Variants in IL12RB2 observed in about 807,000 individuals in gnomAD.
IL12RB2 encodes the protein interleukin-12 receptor subunit beta-2.
In IL12RB2, 82 loss-of-function variants were observed where a neutral mutation model predicts 89.4. That is an observed-to-expected ratio of 0.92 (90% CI 0.77 to 1.10). The LOEUF is 1.10. Ranked by LOEUF, IL12RB2 falls within the 50% of genes least tolerant of loss-of-function variation. The pLI is 0.00. For synonymous variants in IL12RB2, 368 were observed against 370.1 expected (o/e 0.99, Z 0.07); for missense variants, 963 against 1,031.9 (o/e 0.93, Z 0.92).
Position 67,320,333 on chromosome 1 carries a change from G to T in IL12RB2, c.-36G>T, listed in dbSNP as rs760120951. ...GAATGAATTTGTCTTCTTTTGCAAG[G>T]AAGAATACGGAGTTCTATACCAGAG... is the stretch of plus-strand genomic sequence containing the variant. On this transcript the variant is annotated splice_region_variant and 5_prime_UTR_variant, in exon 3 of 17. Transcript: ENST00000674203. 1.2e-6 allele frequency: 2 copies of T among 1,613,706 alleles called. No homozygotes were observed. The highest frequency in any genetic ancestry group is 2.2e-5 in the East Asian group (1 of 44,794).
rs146680474 is a variant in IL12RB2 at position 67,314,665 on chromosome 1, G to A, written c.-37+665G>A. On this transcript the variant is annotated intron_variant, in intron 2 of 16. Coordinates refer to ENST00000674203, the MANE Select transcript of IL12RB2 (RefSeq NM_001374259.2). ...CTGCCAACATGAGATTATCACCTGC[G>A]AAAGGAAACTTAAGAGTTTCTTTTT... is the stretch of plus-strand genomic sequence containing the variant. 3.6e-3 allele frequency among the ~76,000 whole-genome samples: 548 copies of A among 152,250 alleles called. 3 individuals carry two copies. Among genetic ancestry groups the A allele is most frequent in the Admixed American group, 7.3e-3 (111 of 15,294 alleles).
rs1382662040 is a variant in IL12RB2 at position 67,386,589 on chromosome 1, T to C, written c.1866T>C (p.Asn622=). 1.2e-6 allele frequency: 2 copies of C among 1,612,404 alleles called. No homozygotes were observed. Among genetic ancestry groups the C allele is most frequent in the Middle Eastern group, 1.7e-4 (1 of 6,058 alleles). Residue 622 remains asparagine (N), a synonymous_variant, in exon 15 of 17, where the codon AAT becomes AAC. Coordinates refer to ENST00000674203, the MANE Select transcript of IL12RB2 (RefSeq NM_001374259.2). ...TTCCTAACTTTTCAGGTAAAGCCAA[T>C]TGGATGGCGTTTGTGGCACCAAGCA... ...EREFCLQGKA[N]WMAFVAPSIC... is the part of the protein sequence containing the mutation.
At chr1:67,331,405 C>A (rs1658053306) in intron 8 of IL12RB2, among the ~76,000 whole-genome samples, 1 of 152,050 alleles carries the variant, frequency 6.6e-6, no homozygotes, top group South Asian at 2.1e-4. Flanking sequence ...ATGAATTTTT[C>A]TTTTTTAGTA....
At chr1:67,348,730 C>A (rs1660503994) in intron 9 of IL12RB2, among the ~76,000 whole-genome samples, 1 of 151,714 alleles carries the variant, frequency 6.6e-6, no homozygotes, top group African/African-American at 2.4e-5. Flanking sequence ...GACTAAGTGG[C>A]TAAATATCTG....
In IL12RB2 at chr1:67,316,768, G is replaced by A. The variant is rs552591695; in HGVS notation, c.-37+2768G>A. On this transcript the variant is annotated intron_variant, in intron 2 of 16. Coordinates refer to ENST00000674203, the MANE Select transcript of IL12RB2 (RefSeq NM_001374259.2). ...AAAAGTGTTCCCACAACTTCAGTTG[G>A]CCAGCACCAATTTTAGCCCAAGCTT... 2.6e-5 allele frequency among the ~76,000 whole-genome samples: 4 copies of A among 152,250 alleles called. No homozygotes were observed. The East Asian group carries it at 7.7e-4, about 29-fold the overall frequency.
rs1471258324 is a variant in IL12RB2, at chr1:67,396,041, G to A, written c.2541G>A (p.Lys847=). Reference sequence around the variant, plus strand: ...CACTCACCTTCTCCTGTGGTGATAAGCTGACTCTGGATCAGTTAAAGATGA... The same window carrying A: ...CACTCACCTTCTCCTGTGGTGATAAACTGACTCTGGATCAGTTAAAGATGA... ...LHPLTFSCGD[K]LTLDQLKMRC... is the part of the protein sequence containing the mutation. Residue 847 remains lysine (K), a synonymous_variant, in exon 17 of 17, where the codon AAG becomes AAA. Transcript: ENST00000674203. The A allele has an allele frequency of 1.9e-6, 3 of 1,609,106 alleles. No homozygotes were observed. Among genetic ancestry groups the A allele is most frequent in the Admixed American group, 1.7e-5 (1 of 60,028 alleles).
chr1:67,390,157 A>T, intron 16 of IL12RB2, 29 bp downstream of exon 16: 1 of 904,896 alleles, frequency 1.1e-6, no homozygotes, highest in Non-Finnish European at 1.9e-6. Context: ...GTGGTCAGTC[A>T]GTGGAGTTCT....
chr1:67,328,211 CA>C lies in IL12RB2; in HGVS notation c.497del (p.Asn166IlefsTer2). The stretch of plus-strand genomic sequence containing the variant: ...TGTTTTGTTTACAGGCTAAGTGGAC[CA>C]AAAAATTTAACCTGGCAGAAGCAAT... ...YTEYTLQLSG[P>X]KNLTWQKQCK... On this transcript the variant is annotated frameshift_variant, in exon 6 of 17. Coordinates refer to ENST00000674203, the MANE Select transcript of IL12RB2 (RefSeq NM_001374259.2). LOFTEE classifies it high-confidence loss of function. 6.2e-7 allele frequency: 1 copy of C among 1,613,570 alleles called. No individual in the cohort carries two copies. Among genetic ancestry groups the C allele is most frequent in the Non-Finnish European group, 8.5e-7 (1 of 1,179,580 alleles).
intron 13 of IL12RB2, among the ~76,000 whole-genome samples, chr1:67,378,801 G>T (rs1664242155): frequency 7.4e-6 from 1 of 135,874 alleles, no homozygotes; most frequent in Admixed American, 8.2e-5. Context: ...AGTGAGCCAA[G>T]ATCGTATTAC....
At chr1:67,319,976 A>T (rs1368948555) in intron 2 of IL12RB2, among the ~76,000 whole-genome samples, 1 of 152,180 alleles carries the variant, frequency 6.6e-6, no homozygotes, top group Non-Finnish European at 1.5e-5. Flanking sequence ...CCAGACCCTG[A>T]ATCTGCTGAC....
At chr1:67,374,771 C>T (rs1488748619) in intron 13 of IL12RB2, among the ~76,000 whole-genome samples, 2 of 144,190 alleles carry the variant, frequency 1.4e-5, no homozygotes, top group African/African-American at 5.1e-5. Flanking sequence ...CCACCCAGCC[C>T]AGCCTCTTTT....
chr1:67,379,027 G>A (rs17129917), intron 13 of IL12RB2, among the ~76,000 whole-genome samples: 11,353 of 147,332 alleles, frequency 0.077, 844 homozygotes, highest in East Asian at 0.22. Context: ...GTGAAACCCC[G>A]TTCTACTAAA....
At chr1:67,383,014 C>G (rs1664768171) in intron 14 of IL12RB2, among the ~76,000 whole-genome samples, 1 of 152,150 alleles carries the variant, frequency 6.6e-6, no homozygotes, top group Admixed American at 6.5e-5. Context: ...GTGAATTAGT[C>G]TGTTCTCACG....
intron 10 of IL12RB2, among the ~76,000 whole-genome samples, chr1:67,363,297 A>G (rs1315043922): frequency 7.3e-6 from 1 of 137,860 alleles, no homozygotes; most frequent in African/African-American, 2.7e-5. Flanking sequence ...GCTCACCACA[A>G]CCTCCGCCTC....
intron 4 of IL12RB2, among the ~76,000 whole-genome samples, chr1:67,326,270 G>C (rs1239041679): frequency 6.6e-6 from 1 of 152,106 alleles, no homozygotes; most frequent in African/African-American, 2.4e-5. Context: ...TTATTACCAG[G>C]GGTAATGGAG....
intron 10 of IL12RB2, among the ~76,000 whole-genome samples, chr1:67,355,436 A>G (rs1204751441): frequency 1.3e-5 from 2 of 151,794 alleles, no homozygotes; most frequent in Non-Finnish European, 1.5e-5. Flanking sequence ...AAAAAAAAAA[A>G]AAAAAAGGAA....
In IL12RB2 at chr1:67,396,458, A is replaced by G. The variant is rs531626113; in HGVS notation, c.*369A>G. ...CTAGAGGACCATTCATGCAATGACT[A>G]TTTCTAAAGCACCTGCTACACAGCA... On this transcript the variant is annotated 3_prime_UTR_variant, in exon 17 of 17. Transcript: ENST00000674203. The G allele has an allele frequency of 3.8e-5, 14 of 371,018 alleles. No individual in the cohort carries two copies. The Admixed American group carries it at 4.9e-4, about 13-fold the overall frequency. 23.0% of individuals were successfully genotyped at this position (371,018 alleles called of 1,614,324 possible).
intron 10 of IL12RB2, among the ~76,000 whole-genome samples, chr1:67,359,021 G>A (rs1010876921): frequency 6.6e-6 from 1 of 151,874 alleles, no homozygotes; most frequent in African/African-American, 2.4e-5. Context: ...CACGCCTGTA[G>A]TTCCAGCTAC....
rs370914568 is a variant in IL12RB2, at chr1:67,372,488, G to A, written c.1512G>A (p.Gly504=). 1 of 1,604,936 alleles carries A rather than the reference G, an allele frequency of 6.2e-7. No homozygotes were observed. Among genetic ancestry groups the A allele is most frequent in the African/African-American group, 1.3e-5 (1 of 74,830 alleles). ...AAATCCGTGTGTATGCACTCTCAGG[G>A]GATCAAGGAGGATGCAGCTCCATCC... ...CYEIRVYALS[G]DQGGCSSILG... The change falls in exon 12 of 17, where the codon GGG becomes GGA. Residue 504 remains glycine, a synonymous_variant. Coordinates refer to ENST00000674203, the MANE Select transcript of IL12RB2 (RefSeq NM_001374259.2).
Sources: gnomAD v4.1 joint callset for allele counts (sites outside exome capture counted in the v4.1 genomes callset) on GRCh38, gnomAD v4.1.1 for gene constraint, MANE v1.5 for transcripts, NCBI Gene and HGNC (gene_info 2026-07-23, HGNC 2026-07-21) for gene names.